The following AHR variants were observed in gnomAD, a reference collection of about 807,000 sequenced individuals.
AHR encodes the protein aryl hydrocarbon receptor, also known as AH-receptor.
In AHR, 40 loss-of-function variants were observed where a neutral mutation model predicts 86.8. The observed-to-expected ratio is 0.46, with a 90% confidence interval of 0.36 to 0.60. AHR has a LOEUF of 0.60. AHR is among the 20% of genes least tolerant of loss of function. AHR has a pLI of 0.00. For missense variants in AHR, 1,001 were observed against 1,011.6 expected (o/e 0.99, Z 0.14); for synonymous variants, 398 against 354.9 (o/e 1.12, Z -1.37).
intron 1 of AHR, 33 bp from the exon 2 acceptor site, chr7:17,309,903 A>G (rs1782044371): frequency 6.7e-7 from 1 of 1,484,304 alleles, no homozygotes; most frequent in Non-Finnish European, 9.1e-7. Flanking sequence ...TATTTTTTAA[A>G]GGATTTTTTA....
chr7:17,306,136 A>G (rs757695297), intron 1 of AHR, among the ~76,000 whole-genome samples: 3 of 151,580 alleles, frequency 2.0e-5, no homozygotes, highest in Non-Finnish European at 3.0e-5. Context: ...AGGGATGTTT[A>G]TTTATATTTC....
intron 6 of AHR, among the ~76,000 whole-genome samples, chr7:17,331,914 T>C (rs991673896): frequency 2.0e-5 from 3 of 152,016 alleles, no homozygotes; most frequent in African/African-American, 7.2e-5. Context: ...ATGATTTTTG[T>C]TTATGTGTTT....
intron 2 of AHR, among the ~76,000 whole-genome samples, chr7:17,322,291 GT>G (rs1203869829): frequency 3.9e-5 from 6 of 151,964 alleles, no homozygotes; most frequent in Non-Finnish European, 2.9e-5. Flanking sequence ...AAACCCTTCA[GT>G]TTTGTTACTA....
intron 3 of AHR, among the ~76,000 whole-genome samples, chr7:17,326,816 A>C (rs1434961310): frequency 6.6e-6 from 1 of 152,184 alleles, no homozygotes; most frequent in African/African-American, 2.4e-5. Context: ...TTCTCCTTAC[A>C]TGAAAAACAG....
intron 2 of AHR, among the ~76,000 whole-genome samples, chr7:17,318,461 G>A (rs575469647): frequency 6.6e-6 from 1 of 152,098 alleles, no homozygotes; most frequent in South Asian, 2.1e-4. Context: ...TGTATTGTAC[G>A]ACTCCTTCAT....
intron 10 of AHR, among the ~76,000 whole-genome samples, chr7:17,342,629 C>A (rs1782438146): frequency 6.6e-6 from 1 of 152,130 alleles, no homozygotes; most frequent in African/African-American, 2.4e-5. Context: ...CCCATCAATT[C>A]CTACCTGACC....
chr7:17,315,717 A>C (rs1782108384), intron 2 of AHR, among the ~76,000 whole-genome samples: 1 of 151,876 alleles, frequency 6.6e-6, no homozygotes, highest in Non-Finnish European at 1.5e-5. Context: ...GGAAATGTAC[A>C]CCTTCATGTT....
chr7:17,317,016 A>T (rs1782121576), intron 2 of AHR, among the ~76,000 whole-genome samples: 1 of 151,550 alleles, frequency 6.6e-6, no homozygotes, highest in Non-Finnish European at 1.5e-5. Context: ...AAAATGAGAG[A>T]TCTGTGAAAA....
At chr7:17,336,993 A>G (rs959610940) in intron 9 of AHR, among the ~76,000 whole-genome samples, 7 of 152,108 alleles carry the variant, frequency 4.6e-5, no homozygotes, top group Non-Finnish European at 8.8e-5. Flanking sequence ...TTAAACATAT[A>G]TATCAGTTTC....
chr7:17,339,662 G>A lies in AHR; in HGVS notation c.1837G>A (p.Val613Ile). 1.2e-6 allele frequency: 2 copies of A among 1,614,020 alleles called. No homozygotes were observed. Among genetic ancestry groups the A allele is most frequent in the Non-Finnish European group, 1.7e-6 (2 of 1,180,026 alleles). ...CTTGGCTCTGAACTCAAGCTGTATGGTACAGGAACACCTACATCTAGAACA... is the reference window on the plus strand; with the variant it reads ...CTTGGCTCTGAACTCAAGCTGTATGATACAGGAACACCTACATCTAGAACA... ...QSLALNSSCM[V>I]QEHLHLEQQQ... Residue 613 changes from valine (V) to isoleucine (I), a missense_variant, in exon 10 of 11, where the codon GTA becomes ATA. Physicochemically the swap from Val to Ile is conservative, Grantham distance 29. Coordinates refer to ENST00000242057, the MANE Select transcript of AHR (RefSeq NM_001621.5).
At chr7:17,303,231 G>A (rs1781971996) in intron 1 of AHR, among the ~76,000 whole-genome samples, 1 of 152,028 alleles carries the variant, frequency 6.6e-6, no homozygotes. Context: ...AAGAAAGGTA[G>A]TATTATTTAA....
chr7:17,338,056 G>A (rs1316449564), intron 9 of AHR, among the ~76,000 whole-genome samples: 3 of 151,180 alleles, frequency 2.0e-5, no homozygotes, highest in East Asian at 2.0e-4. Context: ...AAAATTAGCC[G>A]GGCGTTGTAG....
rs758205943 is a variant in AHR at position 17,339,867 on chromosome 7, T to C, written c.2042T>C (p.Ile681Thr). 6.2e-7 allele frequency: 1 copy of C among 1,614,072 alleles called. No homozygotes were observed. The highest frequency in any genetic ancestry group is 8.5e-7 in the Non-Finnish European group (1 of 1,180,016). The change falls in exon 10 of 11, where the codon ATC becomes ACC. Residue 681 changes from isoleucine to threonine, a missense_variant. Around this residue, in one of 2 missense-constraint regions of AHR, gnomAD observed 607 missense variants for 543.1 expected, o/e 1.12. Transcript: ENST00000242057. The stretch of plus-strand genomic sequence containing the variant: ...AATGTCTTTACAGACTTACATGGGA[T>C]CAGTCAAGAGTTCCCCTACAAATCT... ...QYNVFTDLHG[I>T]SQEFPYKSEM...
chr7:17,303,742 T>C (rs1243440472), intron 1 of AHR, among the ~76,000 whole-genome samples: 1 of 152,076 alleles, frequency 6.6e-6, no homozygotes, highest in Non-Finnish European at 1.5e-5. Context: ...CAAATTTATT[T>C]TTTTAGGAAA....
At position 17,311,533 on chromosome 7, in the gene AHR, C is replaced by G. The variant is rs1782064211; in HGVS notation, c.253+1410C>G. Among the ~76,000 whole-genome samples, 3 of 152,246 alleles carry G rather than the reference C, an allele frequency of 2.0e-5. No individual in the cohort carries two copies. In the East Asian group the frequency reaches 5.8e-4, roughly 29 times the overall value. On this transcript the variant is annotated intron_variant, in intron 2 of 10. Transcript: ENST00000242057. ...AATCTGATGTGTTTCGTCTGAGCAT[C>G]TTTTTATTGATTTGCTTGCTTGCTC...
chr7:17,343,016 G>T lies in AHR; in HGVS notation c.2499G>T (p.Pro833=), dbSNP rs763058807. 1 of 1,613,534 alleles carries T rather than the reference G, an allele frequency of 6.2e-7. No individual in the cohort carries two copies. The highest frequency in any genetic ancestry group is 1.7e-5 in the Admixed American group (1 of 59,964). The change falls in exon 11 of 11, where the codon CCG becomes CCT. Residue 833 remains proline, a synonymous_variant. Transcript: ENST00000242057. ...TTTHLQPLHH[P]SEARPFPDLT... ...CACATCTTCAGCCACTTCATCATCC[G>T]TCAGAAGCCAGACCTTTTCCTGATT... is the stretch of plus-strand genomic sequence containing the variant.
chr7:17,331,467 TTGAG>T lies in AHR; in HGVS notation c.705+585_705+588del, dbSNP rs375838762. Among the ~76,000 whole-genome samples, 498 of 152,066 alleles carry T rather than the reference TTGAG, an allele frequency of 3.3e-3. 2 individuals are homozygous for T. The highest frequency in any genetic ancestry group is 0.011 in the African/African-American group (474 of 41,552). ...GTTCTTTAGGATATAGTAACAAAAA[TTGAG>T]TGAAATAACACGAAGCCTTGTATTT... On this transcript the variant is annotated intron_variant, in intron 6 of 10. Coordinates refer to ENST00000242057, the MANE Select transcript of AHR (RefSeq NM_001621.5).
intron 1 of AHR, among the ~76,000 whole-genome samples, chr7:17,303,335 C>T (rs1473823892): frequency 6.6e-6 from 1 of 152,018 alleles, no homozygotes; most frequent in Non-Finnish European, 1.5e-5. Flanking sequence ...TGCTTCAAAG[C>T]TTGTGTTCTT....
rs536411430 is a variant in AHR, at chr7:17,343,140, T to G, written c.*76T>G. 1,281 of 1,535,580 alleles carry G rather than the reference T, an allele frequency of 8.3e-4. 16 individuals carry two copies. In the South Asian group the frequency reaches 0.014, roughly 16 times the overall value. ...GATTATGGAAAAATAAAACTGTCACTGTTGGACGTCAGCAAGTTCACATGG... is the reference window on the plus strand; with the variant it reads ...GATTATGGAAAAATAAAACTGTCACGGTTGGACGTCAGCAAGTTCACATGG... On this transcript the variant is annotated 3_prime_UTR_variant, in exon 11 of 11. Coordinates refer to ENST00000242057, the MANE Select transcript of AHR (RefSeq NM_001621.5).
Sources: gnomAD v4.1 joint callset for allele counts (sites outside exome capture counted in the v4.1 genomes callset) on GRCh38, gnomAD v4.1.1 for gene constraint, gnomAD v4.1.1 regional missense constraint, MANE v1.5 for transcripts, NCBI Gene and HGNC (gene_info 2026-07-23, HGNC 2026-07-21) for gene names.